Variants in KCNAB2 observed in about 807,000 individuals in gnomAD.
The protein encoded by KCNAB2 is potassium voltage-gated channel subfamily A regulatory beta subunit 2, also known as voltage-gated potassium channel subunit beta-2.
KCNAB2 carries 29 observed loss-of-function variants against 63.6 expected under a neutral mutation model. The ratio of observed to expected loss-of-function variants is 0.46; its 90% confidence interval spans 0.34 to 0.62. KCNAB2 has a LOEUF of 0.62. Among genes scored for constraint, KCNAB2 ranks in the 20% least tolerant of loss-of-function variants. The pLI, the probability that KCNAB2 is intolerant of heterozygous loss-of-function variation, is 0.01. For synonymous variants in KCNAB2, 222 were observed against 224.2 expected (o/e 0.99, Z 0.09); for missense variants, 359 against 563.9 (o/e 0.64, Z 3.68).
At chr1:6,022,426 T>C (rs1658899265) in intron 1 of KCNAB2, among the ~76,000 whole-genome samples, 1 of 151,868 alleles carries the variant, frequency 6.6e-6, no homozygotes, top group Admixed American at 6.6e-5. Context: ...TATAATTCAG[T>C]GGTATCGAGT....
At chr1:6,045,705 G>A (rs1660858985), upstream of KCNAB2, among the ~76,000 whole-genome samples, 1 of 152,152 alleles carries the variant, frequency 6.6e-6, no homozygotes, top group South Asian at 2.1e-4. This position sits in a 1 kb window ranked among gnomAD's most constrained non-coding sequence, Gnocchi z 4.8. Flanking sequence ...AGTGGTATGC[G>A]GAAGCCACAG....
At chr1:6,009,984 C>T (rs577602489) in intron 1 of KCNAB2, among the ~76,000 whole-genome samples, 1 of 152,100 alleles carries the variant, frequency 6.6e-6, no homozygotes, top group South Asian at 2.1e-4. Flanking sequence ...GATTCTCCTG[C>T]CTCGGCCTCT....
intron 1 of KCNAB2, among the ~76,000 whole-genome samples, chr1:6,039,403 G>A (rs900151655): frequency 7.9e-5 from 12 of 152,188 alleles, no homozygotes; most frequent in Admixed American, 7.9e-4. Context: ...TTCAGGAGGC[G>A]GTGGGGGGAG....
At chr1:6,030,714 G>T (rs115485433), upstream of KCNAB2, among the ~76,000 whole-genome samples, 1,733 of 151,262 alleles carry the variant, frequency 0.011, 28 homozygotes, top group African/African-American at 0.039. Flanking sequence ...ATGTGTGTAG[G>T]TATGTGTATG....
At position 6,078,763 on chromosome 1, in the gene KCNAB2, A is replaced by G. The variant is rs927475443; in HGVS notation, c.301-3432A>G. 1.3e-5 allele frequency among the ~76,000 whole-genome samples: 2 copies of G among 152,332 alleles called. No homozygotes were observed. The highest frequency in any genetic ancestry group is 6.5e-5 in the Admixed American group (1 of 15,308). Reference sequence around the variant, plus strand: ...GAATGGCGAGTCATGAGGATGTCCCAGAGTTCAGCGTGTGCACGATCCCAT... The same window carrying G: ...GAATGGCGAGTCATGAGGATGTCCCGGAGTTCAGCGTGTGCACGATCCCAT... On this transcript the variant is annotated intron_variant, in intron 4 of 15. Coordinates refer to ENST00000378083, the MANE Select transcript of KCNAB2 (RefSeq NM_001199862.2). The surrounding 1 kb of genome is among the most constrained non-coding windows in gnomAD (Gnocchi z 4.2).
At position 6,086,278 on chromosome 1, in the gene KCNAB2, C is replaced by T. The variant is rs552401485; in HGVS notation, c.425+1030C>T. 2.7e-5 allele frequency: 27 copies of T among 985,090 alleles called. No individual in the cohort carries two copies. In the East Asian group the frequency reaches 1.0e-3, roughly 37 times the overall value. 61.0% of individuals were successfully genotyped at this position (985,090 alleles called of 1,614,324 possible). A position where few individuals can be genotyped will look rare whatever the true frequency, so the allele number is the denominator to read the frequency against. ...CCCCATGGATTCCTGACACCCCTTC[C>T]TCTTGTCCCATCAAATTTGTTTTTT... On this transcript the variant is annotated intron_variant, in intron 6 of 15. Transcript: ENST00000378083. This position sits in a 1 kb window ranked among gnomAD's most constrained non-coding sequence, Gnocchi z 4.2.
At chr1:6,044,787 G>C (rs1387388565), upstream of KCNAB2, among the ~76,000 whole-genome samples, 12 of 152,162 alleles carry the variant, frequency 7.9e-5, no homozygotes. Flanking sequence ...GGACGGCTGA[G>C]CTCCAGGAAC....
intron 2 of KCNAB2, among the ~76,000 whole-genome samples, chr1:6,061,289 C>T (rs1374990445): frequency 6.6e-6 from 1 of 152,258 alleles, no homozygotes; most frequent in Non-Finnish European, 1.5e-5. Context: ...CAACCAGCCA[C>T]GCTCCATGCC....
In KCNAB2 at chr1:6,062,327, AG is replaced by A. The variant is rs141143171; in HGVS notation, c.219-10427del. ...AAAAAAAAGAAGTCCAAAAAAAAAAAGTCCAGTGTCTCTAAAATTTCTACCT... is the reference window on the plus strand; with the variant it reads ...AAAAAAAAGAAGTCCAAAAAAAAAAATCCAGTGTCTCTAAAATTTCTACCT... On this transcript the variant is annotated intron_variant, in intron 2 of 15. Transcript: ENST00000378083. 1.5e-3 allele frequency among the ~76,000 whole-genome samples: 228 copies of A among 152,174 alleles called. 2 individuals are homozygous for A. The highest frequency in any genetic ancestry group is 5.3e-3 in the African/African-American group (219 of 41,524).
chr1:6,024,274 T>G lies in KCNAB2; in HGVS notation c.-52-16243T>G, dbSNP rs867671172. 1.3e-5 allele frequency among the ~76,000 whole-genome samples: 2 copies of G among 151,906 alleles called. No homozygotes were observed. Among genetic ancestry groups the G allele is most frequent in the Non-Finnish European group, 2.9e-5 (2 of 67,976 alleles). On this transcript the variant is annotated intron_variant, in intron 1 of 16. Transcript: ENST00000341524. The surrounding 1 kb of genome is among the most constrained non-coding windows in gnomAD (Gnocchi z 5.4). ...TAATTTTTAAATTTTTTGTTAGAGA[T>G]TGGGTCTCACTATGTTGCCCAGACT...
At chr1:6,044,593 G>A (rs1660766366), upstream of KCNAB2, among the ~76,000 whole-genome samples, 1 of 152,296 alleles carries the variant, frequency 6.6e-6, no homozygotes, top group South Asian at 2.1e-4. Context: ...GATGTTGGTG[G>A]GGGGCCTCGA....
At chr1:6,033,661 A>G (rs747579066), upstream of KCNAB2, among the ~76,000 whole-genome samples, 1 of 152,178 alleles carries the variant, frequency 6.6e-6, no homozygotes, top group Admixed American at 6.5e-5. Context: ...AAAGTTTTCA[A>G]AGTAGTGAGT....
At chr1:6,012,841 G>T (rs1205542672) in intron 1 of KCNAB2, among the ~76,000 whole-genome samples, 1 of 152,044 alleles carries the variant, frequency 6.6e-6, no homozygotes. Flanking sequence ...TGAGCTGTGT[G>T]TGTGTTTCTG....
chr1:6,008,496 C>T (rs998913658), intron 1 of KCNAB2, among the ~76,000 whole-genome samples: 2 of 152,100 alleles, frequency 1.3e-5, no homozygotes, highest in Non-Finnish European at 2.9e-5. Context: ...TGGCGTGCAC[C>T]TGTAATCCCA....
At chr1:6,039,325 C>G (rs1660309162) in intron 1 of KCNAB2, among the ~76,000 whole-genome samples, 1 of 152,100 alleles carries the variant, frequency 6.6e-6, no homozygotes, top group Non-Finnish European at 1.5e-5. Flanking sequence ...GGACCAGATT[C>G]ACTTTGGAAA....
rs1160737550 is a variant in KCNAB2, at chr1:6,024,069, G to A, written c.-52-16448G>A. 3.3e-5 allele frequency among the ~76,000 whole-genome samples: 5 copies of A among 152,166 alleles called. No individual in the cohort carries two copies. Among genetic ancestry groups the A allele is most frequent in the Non-Finnish European group, 5.9e-5 (4 of 68,022 alleles). On this transcript the variant is annotated intron_variant, in intron 1 of 16. Transcript: ENST00000341524. The surrounding 1 kb of genome is among the most constrained non-coding windows in gnomAD (Gnocchi z 5.4). ...CAATTCTCCTGCCTCAGCCTTCCGA[G>A]TAGCTGGGATTACAGGCGCCCACCA... is the stretch of plus-strand genomic sequence containing the variant.
At chr1:6,051,369 T>A in intron 1 of KCNAB2, 142 bp from the exon 2 acceptor site, 1 of 958,976 alleles carries the variant, frequency 1.0e-6, no homozygotes, top group Non-Finnish European at 1.5e-6. Flanking sequence ...AGGGGCCGGG[T>A]CCCACTCCTA....
chr1:6,097,484 C>T (rs938177018), intron 15 of KCNAB2, 127 bp downstream of exon 15: 1 of 1,491,128 alleles, frequency 6.7e-7, no homozygotes, highest in African/African-American at 1.4e-5. Flanking sequence ...CGTGAACCAT[C>T]AGAGTTGTGC....
chr1:6,039,526 A>AT (rs1259644183), intron 1 of KCNAB2, among the ~76,000 whole-genome samples: 1 of 152,180 alleles, frequency 6.6e-6, no homozygotes, highest in Non-Finnish European at 1.5e-5. Context: ...CTCATTATCA[A>AT]TGCTGCTGTA....
Sources: gnomAD v4.1 joint callset for allele counts (sites outside exome capture counted in the v4.1 genomes callset) on GRCh38, gnomAD v4.1.1 for gene constraint, Gnocchi (gnomAD v3.1) non-coding constraint, MANE v1.5 for transcripts, NCBI Gene and HGNC (gene_info 2026-07-23, HGNC 2026-07-21) for gene names.